The following NMNAT2 variants were observed in gnomAD, a reference collection of about 807,000 sequenced individuals.
NMNAT2 encodes nicotinamide nucleotide adenylyltransferase 2, also known as nicotinamide/nicotinic acid mononucleotide adenylyltransferase 2.
In NMNAT2, 11 loss-of-function variants were observed where a neutral mutation model predicts 41.6. The ratio of observed to expected loss-of-function variants is 0.26; its 90% CI spans 0.17 to 0.44. NMNAT2 has a LOEUF of 0.44. NMNAT2 is among the 20% of genes least tolerant of loss of function. The pLI is 1.00. For synonymous variants in NMNAT2, 148 were observed against 151.2 expected, an observed-to-expected ratio of 0.98 and a Z score of 0.16; for missense variants, 288 against 407.7, an observed-to-expected ratio of 0.71 and a Z score of 2.53.
intron 1 of NMNAT2, among the ~76,000 whole-genome samples, chr1:183,312,788 G>A (rs1219965729): frequency 6.6e-6 from 1 of 152,058 alleles, no homozygotes; most frequent in African/African-American, 2.4e-5. Context: ...TCTGTAGGGT[G>A]GGATAATGAC....
At chr1:183,271,224 T>G (rs975816919) in intron 8 of NMNAT2, among the ~76,000 whole-genome samples, 2 of 152,240 alleles carry the variant, frequency 1.3e-5, no homozygotes, top group African/African-American at 4.8e-5. Flanking sequence ...CATGTAATCA[T>G]TAAACTTAAT....
At chr1:183,286,176 A>G (rs901709992) in intron 5 of NMNAT2, among the ~76,000 whole-genome samples, 16 of 152,140 alleles carry the variant, frequency 1.1e-4, no homozygotes, top group African/African-American at 3.9e-4. Flanking sequence ...GGCTCAAGAG[A>G]TCCTCCCACC....
chr1:183,328,325 G>C (rs1419874625), intron 1 of NMNAT2, among the ~76,000 whole-genome samples: 1 of 152,224 alleles, frequency 6.6e-6, no homozygotes, highest in Non-Finnish European at 1.5e-5. Context: ...GTCTGAAGCT[G>C]AGATCAGCAA....
intron 1 of NMNAT2, among the ~76,000 whole-genome samples, chr1:183,313,118 G>A (rs867798746): frequency 2.4e-5 from 3 of 126,514 alleles, no homozygotes; most frequent in Non-Finnish European, 1.6e-5. Flanking sequence ...CCCCCAACAC[G>A]CACGCATCTA....
At chr1:183,336,288 G>A (rs1242929892) in intron 1 of NMNAT2, among the ~76,000 whole-genome samples, 1 of 152,114 alleles carries the variant, frequency 6.6e-6, no homozygotes, top group Admixed American at 6.6e-5. Flanking sequence ...CACAAAAGAA[G>A]ATATATATAA....
intron 1 of NMNAT2, among the ~76,000 whole-genome samples, chr1:183,415,511 G>A (rs977237474): frequency 6.6e-6 from 1 of 152,158 alleles, no homozygotes; most frequent in Non-Finnish European, 1.5e-5. Flanking sequence ...GCAGTCAGAA[G>A]ATGAGCGGGC....
At chr1:183,286,331 A>G (rs565318160) in intron 5 of NMNAT2, among the ~76,000 whole-genome samples, 46 of 152,260 alleles carry the variant, frequency 3.0e-4, no homozygotes, top group African/African-American at 1.1e-3. Context: ...GGCTCAAGCC[A>G]TCCACCCACC....
chr1:183,289,472 A>G (rs1039614442), intron 4 of NMNAT2, among the ~76,000 whole-genome samples: 21 of 152,318 alleles, frequency 1.4e-4, no homozygotes, highest in African/African-American at 4.1e-4. Flanking sequence ...CCAGGCCCCA[A>G]TGGGGAATAC....
At chr1:183,323,783 A>C (rs1662403878) in intron 1 of NMNAT2, among the ~76,000 whole-genome samples, 1 of 152,164 alleles carries the variant, frequency 6.6e-6, no homozygotes, top group Non-Finnish European at 1.5e-5. Flanking sequence ...CATCTGACAA[A>C]GGTAGTTGTA....
At chr1:183,395,056 A>C (rs1259652327) in intron 1 of NMNAT2, among the ~76,000 whole-genome samples, 2 of 152,186 alleles carry the variant, frequency 1.3e-5, no homozygotes, top group Non-Finnish European at 2.9e-5. Context: ...GGGTGACTGC[A>C]TACTGGCCCA....
At chr1:183,270,398 C>T (rs1223679668) in intron 8 of NMNAT2, among the ~76,000 whole-genome samples, 1 of 152,082 alleles carries the variant, frequency 6.6e-6, no homozygotes, top group African/African-American at 2.4e-5. Context: ...CTGAAACATG[C>T]TCCCTCCATT....
intron 7 of NMNAT2, among the ~76,000 whole-genome samples, chr1:183,282,203 C>A (rs532091174): frequency 6.6e-6 from 1 of 152,212 alleles, no homozygotes. Flanking sequence ...TCCCTCTCAG[C>A]GAGCACAGGG....
chr1:183,266,271 T>C (rs144940857), intron 8 of NMNAT2, among the ~76,000 whole-genome samples: 1 of 152,360 alleles, frequency 6.6e-6, no homozygotes, highest in African/African-American at 2.4e-5. Context: ...TGTTATTTGC[T>C]TGCCTTTTTT....
intron 1 of NMNAT2, among the ~76,000 whole-genome samples, chr1:183,410,592 T>C (rs1164086603): frequency 2.0e-5 from 3 of 151,986 alleles, no homozygotes; most frequent in Non-Finnish European, 4.4e-5. Context: ...ACTGCCCCCC[T>C]TCCAACCTGT....
intron 1 of NMNAT2, among the ~76,000 whole-genome samples, chr1:183,391,634 T>C (rs1438954560): frequency 6.6e-6 from 1 of 152,174 alleles, no homozygotes; most frequent in Non-Finnish European, 1.5e-5. Flanking sequence ...AAAGAATGTT[T>C]AAATAGGTGC....
chr1:183,342,225 C>G (rs1044711295), intron 1 of NMNAT2, among the ~76,000 whole-genome samples: 1 of 152,082 alleles, frequency 6.6e-6, no homozygotes, highest in South Asian at 2.1e-4. Context: ...CAAAGTGGCT[C>G]ATGCCTGTAA....
At chr1:183,336,631 C>A (rs1662682274) in intron 1 of NMNAT2, among the ~76,000 whole-genome samples, 1 of 152,170 alleles carries the variant, frequency 6.6e-6, no homozygotes, top group Non-Finnish European at 1.5e-5. Context: ...CAAATGGCAA[C>A]CACTTTGGAA....
chr1:183,264,065 A>G (rs1458545313), intron 8 of NMNAT2, among the ~76,000 whole-genome samples: 1 of 152,178 alleles, frequency 6.6e-6, no homozygotes, highest in Admixed American at 6.5e-5. Context: ...GCTGGTATCC[A>G]TGGGGATTCC....
In NMNAT2 at chr1:183,378,426, A is replaced by G. The variant is rs559741175; in HGVS notation, c.85+39757T>C. Among the ~76,000 whole-genome samples, 386 of 151,366 alleles carry G rather than the reference A, an allele frequency of 2.6e-3. 1 individual carries two copies. Among genetic ancestry groups the G allele is most frequent in the Admixed American group, 3.4e-3 (52 of 15,208 alleles). ...AAAAATTAGCCAGGTGTGGTGGTGC[A>G]CACCTATAATCCCAGCTACTCGGGA... On this transcript the variant is annotated intron_variant, in intron 1 of 10. Transcript: ENST00000287713.
Sources: allele counts gnomAD v4.1 joint callset (sites outside exome capture counted in the v4.1 genomes callset), GRCh38; gene constraint gnomAD v4.1.1; transcripts MANE v1.5; gene names NCBI Gene and HGNC (gene_info 2026-07-23, HGNC 2026-07-21).